PTPRD: variants seen among roughly 807,000 people sequenced by gnomAD.
The protein encoded by PTPRD is receptor-type tyrosine-protein phosphatase delta.
PTPRD carries 34 observed loss-of-function variants against 214.5 expected under a neutral mutation model. The ratio of observed to expected loss-of-function variants is 0.16; its 90% confidence interval spans 0.12 to 0.21. PTPRD has a LOEUF of 0.21. PTPRD is among the 10% of genes least tolerant of loss of function. The pLI is 1.00. For missense variants in PTPRD, 2,545 were observed against 2,398.7 expected, an observed-to-expected ratio of 1.06 and a Z score of -1.27; for synonymous variants, 1,128 against 845.7, an observed-to-expected ratio of 1.33 and a Z score of -5.79.
intron 11 of PTPRD, among the ~76,000 whole-genome samples, chr9:8,982,825 T>A (rs762008827): frequency 1.8e-4 from 28 of 152,050 alleles, no homozygotes; most frequent in Non-Finnish European, 3.1e-4. Flanking sequence ...GAACTGCTTA[T>A]ATTCAGAAGC....
At chr9:8,746,902 T>A (rs1401884078) in intron 11 of PTPRD, among the ~76,000 whole-genome samples, 1 of 152,194 alleles carries the variant, frequency 6.6e-6, no homozygotes, top group Non-Finnish European at 1.5e-5. Context: ...ATATTTATAT[T>A]TCAAAGTAGA....
intron 2 of PTPRD, among the ~76,000 whole-genome samples, chr9:10,574,193 A>C (rs2068392892): frequency 1.5e-5 from 1 of 65,206 alleles, no homozygotes; most frequent in Non-Finnish European, 2.9e-5. Flanking sequence ...AAGAGAAATG[A>C]TAGATGTGTG....
chr9:9,947,356 A>ATATATATTATATATATTATATATATATAC lies in PTPRD; in HGVS notation c.-471-8747_-471-8746insGTATATATATATAATATATATAATATATA, dbSNP rs2092746466. Among the ~76,000 whole-genome samples, 5 of 46,522 alleles carry ATATATATTATATATATTATATATATATAC rather than the reference A, an allele frequency of 1.1e-4. No homozygotes were observed. The Admixed American group carries it at 2.3e-3, about 21-fold the overall frequency. The allele number at this position is 46,522 out of a possible 152,430, so 30.5% of individuals were successfully genotyped here. On this transcript the variant is annotated intron_variant, in intron 4 of 45. Coordinates refer to ENST00000381196, the MANE Select transcript of PTPRD (RefSeq NM_002839.4). The stretch of plus-strand genomic sequence containing the variant: ...ATGTATTATATATATAATATATATT[A>ATATATATTATATATATTATATATATATAC]TATATATTATATATATATTATATAT...
intron 8 of PTPRD, among the ~76,000 whole-genome samples, chr9:9,539,224 G>C (rs184544336): frequency 6.6e-6 from 1 of 151,966 alleles, no homozygotes; most frequent in Non-Finnish European, 1.5e-5. Context: ...ATGCAGATGG[G>C]ATGCACACTG....
At chr9:9,072,014 C>T (rs1254489967) in intron 10 of PTPRD, among the ~76,000 whole-genome samples, 2 of 152,108 alleles carry the variant, frequency 1.3e-5, no homozygotes, top group African/African-American at 4.8e-5. Context: ...CATATCAGAG[C>T]TCCTGCCAGA....
At chr9:9,446,889 A>C (rs993723047) in intron 8 of PTPRD, among the ~76,000 whole-genome samples, 1 of 152,204 alleles carries the variant, frequency 6.6e-6, no homozygotes, top group African/African-American at 2.4e-5. Flanking sequence ...GAAGACATAC[A>C]TGTGGCCAAG....
chr9:9,225,210 T>C (rs1312983499), intron 9 of PTPRD, among the ~76,000 whole-genome samples: 1 of 151,936 alleles, frequency 6.6e-6, no homozygotes, highest in Non-Finnish European at 1.5e-5. Flanking sequence ...TCATTGCAAA[T>C]GGTTTCTAGA....
intron 10 of PTPRD, among the ~76,000 whole-genome samples, chr9:9,084,258 T>C (rs751784884): frequency 1.8e-4 from 28 of 152,086 alleles, no homozygotes; most frequent in South Asian, 4.1e-4. Flanking sequence ...TGCAGGGACA[T>C]GGATGAAGCT....
At chr9:8,358,978 G>C (rs1008972700) in intron 39 of PTPRD, among the ~76,000 whole-genome samples, 2 of 149,664 alleles carry the variant, frequency 1.3e-5, no homozygotes, top group South Asian at 2.2e-4. Context: ...CGTGGTGGCG[G>C]GCGCCTGTAG....
At chr9:9,714,869 A>C (rs1264229670) in intron 7 of PTPRD, among the ~76,000 whole-genome samples, 1 of 152,212 alleles carries the variant, frequency 6.6e-6, no homozygotes, top group Admixed American at 6.5e-5. Context: ...CCTGATATGA[A>C]AAATGGAGAT....
chr9:8,616,047 A>G (rs1304941511), intron 14 of PTPRD, among the ~76,000 whole-genome samples: 4 of 152,174 alleles, frequency 2.6e-5, no homozygotes, highest in Non-Finnish European at 5.9e-5. Flanking sequence ...TTTATGAATG[A>G]AAGTTTTTAC....
At chr9:9,838,318 G>T (rs1400346142) in intron 5 of PTPRD, among the ~76,000 whole-genome samples, 1 of 151,924 alleles carries the variant, frequency 6.6e-6, no homozygotes, top group Non-Finnish European at 1.5e-5. Flanking sequence ...GGTATTTCTA[G>T]TTCTAGATCC....
intron 10 of PTPRD, among the ~76,000 whole-genome samples, chr9:9,159,915 T>A (rs72696819): frequency 0.1 from 15,529 of 152,140 alleles, 1,483 homozygotes; most frequent in African/African-American, 0.25. Context: ...TTGTGGGCAA[T>A]TGATTTTTGA....
intron 9 of PTPRD, among the ~76,000 whole-genome samples, chr9:9,270,535 G>C (rs1195011355): frequency 6.6e-6 from 1 of 151,376 alleles, no homozygotes; most frequent in Non-Finnish European, 1.5e-5. Context: ...ACGTGGCTGA[G>C]TGTGAACTAC....
At chr9:8,468,798 G>GAAAA (rs35027583) in intron 31 of PTPRD, among the ~76,000 whole-genome samples, 5 of 123,510 alleles carry the variant, frequency 4.0e-5, no homozygotes, top group Admixed American at 8.5e-5. Flanking sequence ...ATCCATGGTA[G>GAAAA]AAAAAAAAAA....
Position 8,314,914 on chromosome 9 carries a change from G to A in PTPRD, c.*2960C>T, listed in dbSNP as rs144472790. The A allele has an allele frequency of 2.5e-4, 59 of 232,304 alleles. No homozygotes were observed. Among genetic ancestry groups the A allele is most frequent in the African/African-American group, 1.2e-3 (53 of 45,328 alleles). The allele number at this position is 232,304 out of a possible 1,614,324, so 14.4% of individuals were successfully genotyped here. A position where few individuals can be genotyped will look rare whatever the true frequency, so the allele number is the denominator to read the frequency against. On this transcript the variant is annotated 3_prime_UTR_variant, in exon 46 of 46. Transcript: ENST00000381196. ...GCCCTTCCCTCCCCTGGCTGTCCTC[G>A]CCGTTTTCTAACCATGCAAATCATT...
At chr9:9,832,853 T>C (rs1325571487) in intron 5 of PTPRD, among the ~76,000 whole-genome samples, 9 of 151,228 alleles carry the variant, frequency 6.0e-5, no homozygotes, top group Non-Finnish European at 1.5e-5. Context: ...AATGAGTTTT[T>C]GTAGGAATTC....
chr9:8,941,870 G>A (rs978804960), intron 11 of PTPRD, among the ~76,000 whole-genome samples: 9 of 152,080 alleles, frequency 5.9e-5, no homozygotes, highest in South Asian at 2.1e-4. Context: ...CAATGGCACC[G>A]TCTTGGCTCA....
intron 34 of PTPRD, among the ~76,000 whole-genome samples, chr9:8,440,882 A>C (rs1412601460): frequency 6.6e-6 from 1 of 152,182 alleles, no homozygotes; most frequent in African/African-American, 2.4e-5. Context: ...CAGCACTTTC[A>C]CTTTATACAA....
Sources: allele counts gnomAD v4.1 joint callset (sites outside exome capture counted in the v4.1 genomes callset), GRCh38; gene constraint gnomAD v4.1.1; transcripts MANE v1.5; gene names NCBI Gene and HGNC (gene_info 2026-07-23, HGNC 2026-07-21).